TFCP2L1: variants seen among roughly 807,000 people sequenced by gnomAD.
TFCP2L1 encodes transcription factor CP2-like protein 1.
In TFCP2L1, 12 loss-of-function variants were observed where a neutral mutation model predicts 72.2. The observed-to-expected ratio is 0.17, with a 90% CI of 0.11 to 0.27. The LOEUF is 0.27. Ranked by LOEUF, TFCP2L1 falls within the 10% of genes least tolerant of loss-of-function variation. The pLI is 1.00. For synonymous variants in TFCP2L1, 260 were observed against 251.0 expected (o/e 1.04, Z -0.34); for missense variants, 488 against 624.6 (o/e 0.78, Z 2.33).
At chr2:121,278,659 C>A (rs1687195087) in intron 2 of TFCP2L1, among the ~76,000 whole-genome samples, 1 of 149,084 alleles carries the variant, frequency 6.7e-6, no homozygotes, top group Admixed American at 6.7e-5. Context: ...GCACTCCAGC[C>A]TGGGTGACAG....
At chr2:121,280,980 C>T in intron 2 of TFCP2L1, 140 bp downstream of exon 2, 1 of 1,009,150 alleles carries the variant, frequency 9.9e-7, no homozygotes. Context: ...GGAATCTGAA[C>T]CTGCACCTGT....
At chr2:121,233,578 CA>C (rs1573360818) in intron 12 of TFCP2L1, among the ~76,000 whole-genome samples, 1 of 152,180 alleles carries the variant, frequency 6.6e-6, no homozygotes, top group East Asian at 1.9e-4. Flanking sequence ...AGGTATGAAC[CA>C]CCACACCCAG....
chr2:121,285,057 C>A lies in TFCP2L1; in HGVS notation c.53G>T (p.Ser18Ile), dbSNP rs758386577. The change falls in exon 1 of 15, where the codon AGC (serine) becomes ATC (isoleucine). Residue 18 changes from serine (S) to isoleucine (I), a missense_variant. Physicochemically the swap from Ser to Ile is moderately radical, Grantham distance 142. This residue lies in a region of TFCP2L1 where 73 missense variants were observed against 59.7 expected (regional missense o/e 1.22). Coordinates refer to ENST00000263707, the MANE Select transcript of TFCP2L1 (RefSeq NM_014553.3). ...CGCGCGCGGCCCTTACCGCAGGTAGCTGCCGGAGTTGTGCTGGTTGTAGTG... is the reference window on the plus strand; with the variant it reads ...CGCGCGCGGCCCTTACCGCAGGTAGATGCCGGAGTTGTGCTGGTTGTAGTG... Reference protein sequence around the residue: ...PEHYNQHNSGSYLRDVLALPI... With the variant: ...PEHYNQHNSGIYLRDVLALPI... 6.6e-7 allele frequency: 1 copy of A among 1,515,090 alleles called. No individual in the cohort carries two copies. The highest frequency in any genetic ancestry group is 2.8e-5 in the East Asian group (1 of 35,704). The allele number at this position is 1,515,090 out of a possible 1,614,324, so 93.9% of individuals were successfully genotyped here. A position where few individuals can be genotyped will look rare whatever the true frequency, so the allele number is the denominator to read the frequency against.
chr2:121,245,242 T>A (rs150456221), intron 6 of TFCP2L1, among the ~76,000 whole-genome samples: 6 of 152,142 alleles, frequency 3.9e-5, no homozygotes, highest in Non-Finnish European at 8.8e-5. Context: ...GGAAGAACCA[T>A]GAACCTAGGA....
At position 121,223,864 on chromosome 2, in the gene TFCP2L1, C is replaced by T. The variant is rs1310374742; in HGVS notation, c.*477G>A. ...AACAGGAGAATGAGGGCAAACTGCT[C>T]CCATCAAGTCGGCAGTGCTGGCCAT... On this transcript the variant is annotated 3_prime_UTR_variant, in exon 15 of 15. Transcript: ENST00000263707. 1 of 169,994 alleles carries T rather than the reference C, an allele frequency of 5.9e-6. No homozygotes were observed. The allele number at this position is 169,994 out of a possible 1,614,324, so 10.5% of individuals were successfully genotyped here.
chr2:121,247,040 C>G (rs1558735204), intron 5 of TFCP2L1, 70 bp from the exon 6 acceptor site: 1 of 1,577,128 alleles, frequency 6.3e-7, no homozygotes, highest in South Asian at 1.1e-5. Flanking sequence ...CCCCAAGCGC[C>G]CCCTCTATTG....
chr2:121,243,439 G>A (rs536950418), intron 6 of TFCP2L1, among the ~76,000 whole-genome samples: 7 of 152,302 alleles, frequency 4.6e-5, no homozygotes, highest in East Asian at 1.9e-4. Context: ...GCCACAGACC[G>A]GTACCGGTCC....
At chr2:121,276,880 A>G (rs573418681) in intron 2 of TFCP2L1, among the ~76,000 whole-genome samples, 13 of 152,214 alleles carry the variant, frequency 8.5e-5, no homozygotes, top group Admixed American at 8.5e-4. Flanking sequence ...GCATAAAAGA[A>G]AAGTTTATTT....
intron 2 of TFCP2L1, among the ~76,000 whole-genome samples, chr2:121,253,877 A>G (rs1686659858): frequency 6.6e-6 from 1 of 152,160 alleles, no homozygotes; most frequent in Admixed American, 6.5e-5. Context: ...CACCCTCTGC[A>G]TGCCTACCCC....
At chr2:121,232,067 G>T in intron 12 of TFCP2L1, 99 bp from the exon 13 acceptor site, 1 of 1,371,320 alleles carries the variant, frequency 7.3e-7, no homozygotes, top group Non-Finnish European at 9.9e-7. Context: ...TTGTCAAAAT[G>T]CCACACCCAG....
In TFCP2L1 at chr2:121,269,918, A is replaced by AAAAAT; in HGVS notation, c.214+11201_214+11202insATTTT. Among the ~76,000 whole-genome samples, 67 of 115,182 alleles carry AAAAAT rather than the reference A, an allele frequency of 5.8e-4. 1 individual carries two copies. Among genetic ancestry groups the AAAAAT allele is most frequent in the African/African-American group, 2.4e-3 (64 of 26,880 alleles). The allele number at this position is 115,182 out of a possible 152,430, so 75.6% of individuals were successfully genotyped here. A position where few individuals can be genotyped will look rare whatever the true frequency, so the allele number is the denominator to read the frequency against. On this transcript the variant is annotated intron_variant, in intron 2 of 14. Transcript: ENST00000263707. ...AGCAAGACTCCATCTAAAAAAAAAAAATATATATATATATATATGCAAAAG... is the reference window on the plus strand; with the variant it reads ...AGCAAGACTCCATCTAAAAAAAAAAAAAAATATATATATATATATATATGCAAAAG...
At chr2:121,260,991 T>C (rs916168640) in intron 2 of TFCP2L1, among the ~76,000 whole-genome samples, 1 of 152,238 alleles carries the variant, frequency 6.6e-6, no homozygotes, top group Non-Finnish European at 1.5e-5. Context: ...GGATGCCAAC[T>C]GTCTGGTAAT....
chr2:121,270,994 A>T (rs183694229), intron 2 of TFCP2L1, among the ~76,000 whole-genome samples: 1 of 151,628 alleles, frequency 6.6e-6, no homozygotes, highest in Non-Finnish European at 1.5e-5. Flanking sequence ...GTTCGAAACC[A>T]CCCTGGCCAA....
chr2:121,230,924 T>C (rs1686131202), intron 13 of TFCP2L1, among the ~76,000 whole-genome samples: 1 of 152,102 alleles, frequency 6.6e-6, no homozygotes, highest in Admixed American at 6.5e-5. Context: ...CTTTTTAATA[T>C]AAAAATTTTA....
At chr2:121,282,319 TAAAAAAAAAA>T (rs539101704) in intron 1 of TFCP2L1, among the ~76,000 whole-genome samples, 1,487 of 86,324 alleles carry the variant, frequency 0.017, 41 homozygotes, top group African/African-American at 0.062. Context: ...CTCTCCACAT[TAAAAAAAAAA>T]AAAAAAAAAA....
rs1411000910 is a variant in TFCP2L1 at position 121,225,590 on chromosome 2, T to C, written c.1365A>G (p.Glu455=). The C allele has an allele frequency of 1.3e-5, 21 of 1,614,122 alleles. No individual in the cohort carries two copies. The highest frequency in any genetic ancestry group is 1.8e-5 in the Non-Finnish European group (21 of 1,180,014). The part of the protein sequence containing the change: ...SNEMVQNFQD[E]SCFVLSTIKA... Reference sequence around the variant, plus strand: ...TAATTGTGCTGAGGACAAAACAGGATTCATCTTGGAAGTTCTGCACCATCT... The same window carrying C: ...TAATTGTGCTGAGGACAAAACAGGACTCATCTTGGAAGTTCTGCACCATCT... Residue 455 remains glutamate, a synonymous_variant, in exon 14 of 15, where the codon GAA becomes GAG. Transcript: ENST00000263707.
chr2:121,237,364 C>T (rs1305832082), intron 10 of TFCP2L1, among the ~76,000 whole-genome samples: 1 of 152,228 alleles, frequency 6.6e-6, no homozygotes, highest in African/African-American at 2.4e-5. Flanking sequence ...CAACCCCCCG[C>T]AGGTGAGGAG....
intron 6 of TFCP2L1, among the ~76,000 whole-genome samples, chr2:121,246,571 C>T (rs987713446): frequency 3.9e-5 from 6 of 152,308 alleles, no homozygotes; most frequent in African/African-American, 1.4e-4. Flanking sequence ...GACATCCATG[C>T]CGATGCTTCT....
chr2:121,242,083 CAAAAAAAAAAAAAA>C (rs541937558), intron 7 of TFCP2L1, among the ~76,000 whole-genome samples: 5 of 65,496 alleles, frequency 7.6e-5, no homozygotes, highest in South Asian at 1.2e-3. Flanking sequence ...ATTACCTACT[CAAAAAAAAAAAAAA>C]AAAAAAAAAA....
Sources: gnomAD v4.1 joint callset for allele counts (sites outside exome capture counted in the v4.1 genomes callset) on GRCh38, gnomAD v4.1.1 for gene constraint, gnomAD v4.1.1 regional missense constraint, MANE v1.5 for transcripts, NCBI Gene and HGNC (gene_info 2026-07-23, HGNC 2026-07-21) for gene names.